The following ABTB2 variants were observed in gnomAD, a reference collection of about 807,000 sequenced individuals.
ABTB2 encodes ankyrin repeat and BTB domain containing 2.
In ABTB2, 56 loss-of-function variants were observed where a neutral mutation model predicts 104.1. The observed-to-expected ratio is 0.54, with a 90% CI of 0.43 to 0.67. ABTB2 has a LOEUF of 0.67. Ranked by LOEUF, ABTB2 falls within the 30% of genes least tolerant of loss-of-function variation. ABTB2 has a pLI of 0.00. For synonymous variants in ABTB2, 606 were observed against 608.2 expected (o/e 1.00, Z 0.05); for missense variants, 1,279 against 1,407.7 (o/e 0.91, Z 1.46).
chr11:34,223,873 T>C (rs1377973601), intron 1 of ABTB2, among the ~76,000 whole-genome samples: 1 of 152,184 alleles, frequency 6.6e-6, no homozygotes, highest in Admixed American at 6.6e-5. Flanking sequence ...TTCCACTCTC[T>C]GGTACTGTGT....
chr11:34,152,648 C>A, intron 16 of ABTB2, 64 bp from the exon 17 acceptor site: 1 of 1,474,562 alleles, frequency 6.8e-7, no homozygotes. Flanking sequence ...CACCCTCACC[C>A]CCAAATACTA....
At chr11:34,293,964 G>A (rs919705665) in intron 1 of ABTB2, among the ~76,000 whole-genome samples, 4 of 152,148 alleles carry the variant, frequency 2.6e-5, no homozygotes, top group Non-Finnish European at 5.9e-5. Flanking sequence ...TAACACTTGG[G>A]AATCTGGGTA....
intron 2 of ABTB2, among the ~76,000 whole-genome samples, chr11:34,199,018 T>G (rs971360450): frequency 5.9e-5 from 9 of 152,254 alleles, no homozygotes; most frequent in Non-Finnish European, 1.3e-4. Flanking sequence ...TTAACCTTCA[T>G]GCTGCTTCTG....
intron 1 of ABTB2, among the ~76,000 whole-genome samples, chr11:34,313,447 GCAC>G (rs1854883308): frequency 6.6e-6 from 1 of 152,212 alleles, no homozygotes; most frequent in Non-Finnish European, 1.5e-5. Context: ...GCAGCAACCT[GCAC>G]CACCATCAGG....
intron 4 of ABTB2, 76 bp from the exon 5 acceptor site, chr11:34,171,147 A>G (rs901443542): frequency 6.6e-7 from 1 of 1,510,894 alleles, no homozygotes; most frequent in African/African-American, 1.4e-5. Flanking sequence ...CACATGTGTG[A>G]GCTTTACGTG....
intron 1 of ABTB2, among the ~76,000 whole-genome samples, chr11:34,348,785 G>A (rs978810770): frequency 6.6e-6 from 1 of 152,174 alleles, no homozygotes; most frequent in Non-Finnish European, 1.5e-5. Context: ...CAGCAATGAA[G>A]ACTAGACAGT....
intron 1 of ABTB2, among the ~76,000 whole-genome samples, chr11:34,240,901 C>G (rs867848918): frequency 4.6e-5 from 7 of 152,124 alleles, no homozygotes; most frequent in African/African-American, 1.4e-4. Context: ...GGCCTTCCCC[C>G]CTTTTTAGGT....
intron 1 of ABTB2, among the ~76,000 whole-genome samples, chr11:34,277,957 A>G (rs1854404702): frequency 6.6e-6 from 1 of 151,426 alleles, no homozygotes; most frequent in South Asian, 2.1e-4. Context: ...GGTGCCTGCC[A>G]TCACACCTGG....
In ABTB2 at chr11:34,164,951, A is replaced by G. The variant is rs547211247; in HGVS notation, c.1853-130T>C. 4.6e-5 allele frequency: 54 copies of G among 1,172,436 alleles called. No homozygotes were observed. The African/African-American group carries it at 6.5e-4, about 14-fold the overall frequency. 72.6% of individuals were successfully genotyped at this position (1,172,436 alleles called of 1,614,324 possible). A position where few individuals can be genotyped will look rare whatever the true frequency, so the allele number is the denominator to read the frequency against. The stretch of plus-strand genomic sequence containing the variant: ...GAATAAGTCAGTAAACCCCACACTC[A>G]TCTGCATTTGGTGGACGAAGTGAAG... On this transcript the variant is annotated intron_variant, in intron 8 of 16. Coordinates refer to ENST00000435224, the MANE Select transcript of ABTB2 (RefSeq NM_145804.3).
intron 1 of ABTB2, among the ~76,000 whole-genome samples, chr11:34,306,236 A>ATTTTTTTTTTTTTTTTTTTTTTTTTTTTT (rs34872949): frequency 1.4e-5 from 1 of 71,958 alleles, no homozygotes; most frequent in African/African-American, 4.9e-5. Flanking sequence ...GGAAAGTTTG[A>ATTTTTTTTTTTTTTTTTTTTTTTTTTTTT]TTTTTTTTTT....
chr11:34,275,265 T>G (rs115223105), intron 1 of ABTB2, among the ~76,000 whole-genome samples: 204 of 152,308 alleles, frequency 1.3e-3, no homozygotes, highest in African/African-American at 4.7e-3. Context: ...GAGGCTGTGC[T>G]GGGGAGTCTG....
At chr11:34,336,830 C>T (rs1855197826) in intron 1 of ABTB2, among the ~76,000 whole-genome samples, 1 of 152,058 alleles carries the variant, frequency 6.6e-6, no homozygotes, top group African/African-American at 2.4e-5. Flanking sequence ...ATCATCATCA[C>T]CATCATCATG....
intron 1 of ABTB2, among the ~76,000 whole-genome samples, chr11:34,273,919 G>A (rs796448806): frequency 7.2e-5 from 11 of 151,876 alleles, no homozygotes; most frequent in Admixed American, 3.3e-4. Flanking sequence ...TTGGGAGGCC[G>A]AGGCGGGTGG....
chr11:34,226,610 C>T (rs908976979), intron 1 of ABTB2, among the ~76,000 whole-genome samples: 2 of 152,188 alleles, frequency 1.3e-5, no homozygotes, highest in Admixed American at 6.5e-5. Flanking sequence ...CTGGGCTCAG[C>T]GTTCATGAGT....
intron 1 of ABTB2, among the ~76,000 whole-genome samples, chr11:34,284,897 C>A (rs955038677): frequency 1.3e-5 from 2 of 152,168 alleles, no homozygotes; most frequent in Non-Finnish European, 2.9e-5. Flanking sequence ...GAGAGGCAGA[C>A]CCCATTTTTC....
At chr11:34,333,081 A>C (rs1855151812) in intron 1 of ABTB2, among the ~76,000 whole-genome samples, 1 of 152,222 alleles carries the variant, frequency 6.6e-6, no homozygotes, top group Admixed American at 6.5e-5. Flanking sequence ...GTCTCAGTTG[A>C]TTCTCCTAAT....
intron 1 of ABTB2, among the ~76,000 whole-genome samples, chr11:34,297,369 C>T (rs1854634265): frequency 1.3e-5 from 2 of 152,314 alleles, no homozygotes; most frequent in South Asian, 2.1e-4. Flanking sequence ...GGTGCTTTCG[C>T]ATAGAATATC....
At chr11:34,195,879 A>G (rs1263624469) in intron 3 of ABTB2, among the ~76,000 whole-genome samples, 1 of 152,102 alleles carries the variant, frequency 6.6e-6, no homozygotes, top group African/African-American at 2.4e-5. Flanking sequence ...AGCTGATGAG[A>G]CTCAATGCCC....
intron 1 of ABTB2, among the ~76,000 whole-genome samples, chr11:34,225,717 T>C (rs1853677583): frequency 6.6e-6 from 1 of 152,018 alleles, no homozygotes; most frequent in African/African-American, 2.4e-5. Flanking sequence ...ATCGCGCCAT[T>C]GCACTCTAGC....
Sources: allele counts gnomAD v4.1 joint callset (sites outside exome capture counted in the v4.1 genomes callset), GRCh38; gene constraint gnomAD v4.1.1; transcripts MANE v1.5; gene names NCBI Gene and HGNC (gene_info 2026-07-23, HGNC 2026-07-21).